HDLBP: variants seen among roughly 807,000 people sequenced by gnomAD.
HDLBP encodes the protein high density lipoprotein binding protein.
In HDLBP, 30 loss-of-function variants were observed where a neutral mutation model predicts 137.3. The observed-to-expected ratio is 0.22, with a 90% confidence interval of 0.16 to 0.30. The LOEUF is 0.30. HDLBP is among the 10% of genes least tolerant of loss of function. HDLBP has a pLI of 1.00. For synonymous variants in HDLBP, 606 were observed against 596.0 expected (o/e 1.02, Z -0.24); for missense variants, 1,119 against 1,667.3 (o/e 0.67, Z 5.73).
Position 241,239,077 on chromosome 2 carries a change from A to G in HDLBP, c.2611-290T>C, listed in dbSNP as rs1430599486. 6.6e-6 allele frequency among the ~76,000 whole-genome samples: 1 copy of G among 152,004 alleles called. No individual in the cohort carries two copies. The highest frequency in any genetic ancestry group is 1.5e-5 in the Non-Finnish European group (1 of 68,012). ...ACCTCCTGGGGTAGCCTCTGACTCC[A>G]TGAGGAGGCATCAGACTTGATTATT... On this transcript the variant is annotated intron_variant, in intron 19 of 27. Transcript: ENST00000310931. This position sits in a 1 kb window ranked among gnomAD's most constrained non-coding sequence, Gnocchi z 4.6.
intron 1 of HDLBP, among the ~76,000 whole-genome samples, chr2:241,312,804 T>C (rs2075791945): frequency 6.6e-6 from 1 of 152,258 alleles, no homozygotes; most frequent in Non-Finnish European, 1.5e-5. Flanking sequence ...GACGCACTAA[T>C]GGAGAATCCA....
intron 1 of HDLBP, among the ~76,000 whole-genome samples, chr2:241,300,596 C>T (rs901477137): frequency 6.6e-6 from 1 of 152,130 alleles, no homozygotes; most frequent in Non-Finnish European, 1.5e-5. Flanking sequence ...TATGCTAAAC[C>T]AGCCTTCAAT....
rs553761118 is a variant in HDLBP, at chr2:241,236,500, C to A, written c.2904+115G>T. 3,224 of 1,037,212 alleles carry A rather than the reference C, an allele frequency of 3.1e-3. 47 individuals are homozygous for A. The highest frequency in any genetic ancestry group is 0.027 in the South Asian group (1,905 of 69,882). The allele number at this position is 1,037,212 out of a possible 1,614,324, so 64.3% of individuals were successfully genotyped here. On this transcript the variant is annotated intron_variant, in intron 21 of 27. Coordinates refer to ENST00000310931, the MANE Select transcript of HDLBP (RefSeq NM_005336.6). ...GCACACGGTAGGAGCAAGAGGGCTA[C>A]CTCCACTGCCACTGCCGCTTGGGCA... is the stretch of plus-strand genomic sequence containing the variant.
At chr2:241,299,505 C>CAAAAAAAAAAA (rs11423330) in intron 1 of HDLBP, among the ~76,000 whole-genome samples, 5 of 49,590 alleles carry the variant, frequency 1.0e-4, no homozygotes, top group African/African-American at 3.1e-4. Flanking sequence ...GGCTCCGTCT[C>CAAAAAAAAAAA]AAAAAAAAAA....
chr2:241,229,281 G>A lies in HDLBP; in HGVS notation c.*320C>T, dbSNP rs754974616. On this transcript the variant is annotated 3_prime_UTR_variant, in exon 28 of 28. Coordinates refer to ENST00000310931, the MANE Select transcript of HDLBP (RefSeq NM_005336.6). The stretch of plus-strand genomic sequence containing the variant: ...ACACAGGAAGTGGAATCCTAGCCAC[G>A]GCTGCGGAGCTCTCGTGATGAAGGC... 5 of 293,974 alleles carry A rather than the reference G, an allele frequency of 1.7e-5. No individual in the cohort carries two copies. The highest frequency in any genetic ancestry group is 4.4e-5 in the African/African-American group (2 of 45,102). The allele number at this position is 293,974 out of a possible 1,614,324, so 18.2% of individuals were successfully genotyped here. A position where few individuals can be genotyped will look rare whatever the true frequency, so the allele number is the denominator to read the frequency against.
chr2:241,286,854 G>A lies in HDLBP; in HGVS notation c.-102-18313C>T, dbSNP rs183352284. Among the ~76,000 whole-genome samples the A allele has an allele frequency of 1.7e-4, 26 of 152,042 alleles. No individual in the cohort carries two copies. In the East Asian group the frequency reaches 5.0e-3, roughly 29 times the overall value. On this transcript the variant is annotated intron_variant, in intron 1 of 27. Transcript: ENST00000310931. The stretch of plus-strand genomic sequence containing the variant: ...CCAGTTACTCAGTGTGGAAGCTGAG[G>A]TGGGAGGATCACCTGAGCCCCAGGG...
rs1333653700 is a variant in HDLBP at position 241,252,937 on chromosome 2, CA to C, written c.1372+19del. 1.3e-6 allele frequency: 2 copies of C among 1,583,214 alleles called. No homozygotes were observed. The highest frequency in any genetic ancestry group is 1.7e-6 in the Non-Finnish European group (2 of 1,153,280). On this transcript the variant is annotated intron_variant, in intron 11 of 27. Coordinates refer to ENST00000310931, the MANE Select transcript of HDLBP (RefSeq NM_005336.6). ...GTCTCAGGGCACACTGGCCCCACCG[CA>C]ACAGACAGCCTCACTCACTGTTGGC...
At chr2:241,285,389 T>C (rs575503993) in intron 1 of HDLBP, among the ~76,000 whole-genome samples, 7 of 152,290 alleles carry the variant, frequency 4.6e-5, no homozygotes, top group South Asian at 2.1e-4. Flanking sequence ...AACATTTGCA[T>C]TGGTTCAGTC....
In HDLBP at chr2:241,272,514, C is replaced by CGCCACG; in HGVS notation, c.-102-3979_-102-3974dup. 1.0e-6 allele frequency: 1 copy of CGCCACG among 984,718 alleles called. No individual in the cohort carries two copies. The highest frequency in any genetic ancestry group is 1.2e-6 in the Non-Finnish European group (1 of 829,720). The allele number at this position is 984,718 out of a possible 1,614,324, so 61.0% of individuals were successfully genotyped here. A position where few individuals can be genotyped will look rare whatever the true frequency, so the allele number is the denominator to read the frequency against. On this transcript the variant is annotated intron_variant, in intron 1 of 27. Transcript: ENST00000310931. This position sits in a 1 kb window ranked among gnomAD's most constrained non-coding sequence, Gnocchi z 5.6. ...GAGAAAGTTTGTGCGCGCCCCTCCG[C>CGCCACG]GCCACGGCCACGCGCAGAAGAGACT...
At chr2:241,267,729 G>T (rs184331597) in intron 2 of HDLBP, 2 of 1,533,636 alleles carry the variant, frequency 1.3e-6, no homozygotes, top group Non-Finnish European at 1.7e-6. Context: ...GGAAAAAGCA[G>T]CCTCAGTGCT....
At chr2:241,300,977 TTATTATTA>T (rs2075376895) in intron 1 of HDLBP, among the ~76,000 whole-genome samples, 1 of 149,034 alleles carries the variant, frequency 6.7e-6, no homozygotes, top group South Asian at 2.1e-4. Context: ...ATTATTATTA[TTATTATTA>T]TTATTATTTT....
chr2:241,243,402 C>T (rs2071428217), intron 16 of HDLBP: 1 of 153,104 alleles, frequency 6.5e-6, no homozygotes, highest in East Asian at 1.9e-4. Flanking sequence ...CATACAGTGC[C>T]TTTAGGTCAG....
At chr2:241,234,201 C>CTT (rs1470672697) in intron 23 of HDLBP, among the ~76,000 whole-genome samples, 4 of 152,206 alleles carry the variant, frequency 2.6e-5, no homozygotes, top group African/African-American at 9.7e-5. Flanking sequence ...CAAAAGAGGG[C>CTT]TTGGGACCAC....
At chr2:241,244,087 A>G (rs74000621) in intron 16 of HDLBP, among the ~76,000 whole-genome samples, 1 of 152,134 alleles carries the variant, frequency 6.6e-6, no homozygotes, top group African/African-American at 2.4e-5. Flanking sequence ...GAAGAAAACA[A>G]CATCTAAAAT....
chr2:241,312,843 C>T (rs1392666268), intron 1 of HDLBP, among the ~76,000 whole-genome samples: 1 of 152,180 alleles, frequency 6.6e-6, no homozygotes, highest in Non-Finnish European at 1.5e-5. Context: ...GTAAGATATC[C>T]CAGTGGACCC....
intron 1 of HDLBP, among the ~76,000 whole-genome samples, chr2:241,286,126 C>G (rs140745668): frequency 0.011 from 1,630 of 152,142 alleles, 32 homozygotes; most frequent in Middle Eastern, 0.014. Flanking sequence ...GCTGAAAATC[C>G]TAGACGACAT....
At chr2:241,287,102 G>A (rs2149638230) in intron 1 of HDLBP, among the ~76,000 whole-genome samples, 1 of 152,322 alleles carries the variant, frequency 6.6e-6, no homozygotes, top group East Asian at 1.9e-4. Flanking sequence ...CAGTGAACAA[G>A]AAGAGGCAGT....
At chr2:241,242,111 G>A (rs967639979) in intron 17 of HDLBP, among the ~76,000 whole-genome samples, 5 of 152,176 alleles carry the variant, frequency 3.3e-5, no homozygotes, top group African/African-American at 7.2e-5. Flanking sequence ...ATCTTTAGGG[G>A]TGATGGAAAA....
At chr2:241,236,282 G>A (rs2070422016) in intron 21 of HDLBP, 4 of 342,346 alleles carry the variant, frequency 1.2e-5, no homozygotes, top group East Asian at 1.2e-4. Context: ...CTCACGCGGG[G>A]GGAGACGTTG....
Sources: gnomAD v4.1 joint callset for allele counts (sites outside exome capture counted in the v4.1 genomes callset) on GRCh38, gnomAD v4.1.1 for gene constraint, Gnocchi (gnomAD v3.1) non-coding constraint, MANE v1.5 for transcripts, NCBI Gene and HGNC (gene_info 2026-07-23, HGNC 2026-07-21) for gene names.